FBXO25: variants seen among roughly 807,000 people sequenced by gnomAD.
FBXO25 encodes the protein F-box protein 25, also known as F-box only protein 25.
Under a neutral mutation model 51.9 loss-of-function variants are expected in FBXO25, and 45 were observed. The ratio of observed to expected loss-of-function variants is 0.87; its 90% CI spans 0.68 to 1.11. The LOEUF (loss-of-function observed/expected upper bound fraction) is 1.11, where lower values mean the gene tolerates loss of function less well. Ranked by LOEUF, FBXO25 falls within the 50% of genes most tolerant of loss-of-function variation. The pLI, the probability that FBXO25 is intolerant of heterozygous loss-of-function variation, is 0.00. For missense variants in FBXO25, 507 were observed against 428.5 expected (o/e 1.18, Z -1.62); for synonymous variants, 199 against 151.0 (o/e 1.32, Z -2.33).
chr8:475,800 C>T lies in FBXO25; in HGVS notation c.*6996C>T, dbSNP rs1800624404. On this transcript the variant is annotated 3_prime_UTR_variant, in exon 10 of 10. Transcript: ENST00000350302. ...AAATTTTTTTTTGTATATGTATGGA[C>T]ACTAGGATTTTCTACATATAAGATC... 6.6e-6 allele frequency: 1 copy of T among 151,946 alleles called. No homozygotes were observed. The highest frequency in any genetic ancestry group is 2.4e-5 in the African/African-American group (1 of 41,366). The allele number at this position is 151,946 out of a possible 1,614,324, so 9.4% of individuals were successfully genotyped here. A position where few individuals can be genotyped will look rare whatever the true frequency, so the allele number is the denominator to read the frequency against.
rs7840735 is a variant in FBXO25 at position 473,235 on chromosome 8, C to T, written c.*4431C>T. On this transcript the variant is annotated 3_prime_UTR_variant, in exon 10 of 10. Transcript: ENST00000350302. Reference sequence around the variant, plus strand: ...TCCCATGGGCTAAATGCCACTGAGCCGGTAGGAGCTGCTCAGGTGTAGCCT... The same window carrying T: ...TCCCATGGGCTAAATGCCACTGAGCTGGTAGGAGCTGCTCAGGTGTAGCCT... 0.077 allele frequency: 11,720 copies of T among 152,332 alleles called. 573 individuals carry two copies. The highest frequency in any genetic ancestry group is 0.14 in the African/African-American group (5,698 of 41,520). 9.4% of individuals were successfully genotyped at this position (152,332 alleles called of 1,614,324 possible). A position where few individuals can be genotyped will look rare whatever the true frequency, so the allele number is the denominator to read the frequency against.
chr8:438,905 G>C (rs1024336515), intron 5 of FBXO25, among the ~76,000 whole-genome samples: 1 of 152,196 alleles, frequency 6.6e-6, no homozygotes, highest in African/African-American at 2.4e-5. Flanking sequence ...ACGTGTTTAA[G>C]TTGTCTGCGT....
In FBXO25 at chr8:476,820, T is replaced by C. The variant is rs528736876; in HGVS notation, c.*8016T>C. ...GTCTCTGCTCTAATCTTTATTATTA[T>C]TATAATCATCTCCATTCTGCTGGCT... On this transcript the variant is annotated 3_prime_UTR_variant, in exon 10 of 10. Transcript: ENST00000350302. The C allele has an allele frequency of 2.8e-5, 4 of 142,484 alleles. No individual in the cohort carries two copies. The East Asian group carries it at 7.7e-4, about 27-fold the overall frequency. 8.8% of individuals were successfully genotyped at this position (142,484 alleles called of 1,614,324 possible).
In FBXO25 at chr8:458,431, C is replaced by G. The variant is rs774566661; in HGVS notation, c.723C>G (p.Tyr241Ter). 7 of 1,614,088 alleles carry G rather than the reference C, an allele frequency of 4.3e-6. No individual in the cohort carries two copies. The African/African-American group carries it at 6.7e-5, about 15-fold the overall frequency. Reference sequence around the variant, plus strand: ...TGCACATGCTGAACAACATCCTATACCGGTTCTCAGACGGATGGGACATCA... The same window carrying G: ...TGCACATGCTGAACAACATCCTATAGCGGTTCTCAGACGGATGGGACATCA... ...LPLHMLNNIL[Y>*]RFSDGWDIIT... Residue 241 changes from tyrosine to a stop codon, truncating the protein, a stop_gained, in exon 8 of 10, where the codon TAC (tyrosine) becomes TAG (stop). Coordinates refer to ENST00000350302, the MANE Select transcript of FBXO25 (RefSeq NM_183420.2). LOFTEE classifies it high-confidence loss of function.
intron 7 of FBXO25, among the ~76,000 whole-genome samples, chr8:455,214 G>A (rs1275556027): frequency 1.3e-5 from 2 of 152,338 alleles, no homozygotes; most frequent in South Asian, 4.1e-4. Context: ...TGTGGGCATT[G>A]CAGAGCCTTT....
chr8:430,769 C>A (rs1379315764), intron 2 of FBXO25, among the ~76,000 whole-genome samples: 1 of 152,038 alleles, frequency 6.6e-6, no homozygotes. Context: ...TCTTGTTTCA[C>A]GAAGAAGAAA....
intron 5 of FBXO25, among the ~76,000 whole-genome samples, chr8:437,239 A>C (rs1798155725): frequency 6.6e-6 from 1 of 152,216 alleles, no homozygotes; most frequent in Non-Finnish European, 1.5e-5. Context: ...AACTATAAAA[A>C]TTAAAATGTG....
At chr8:418,121 G>T (rs1256526693) in intron 2 of FBXO25, among the ~76,000 whole-genome samples, 1 of 152,076 alleles carries the variant, frequency 6.6e-6, no homozygotes, top group Non-Finnish European at 1.5e-5. Context: ...TGGCTGAAAT[G>T]CATCTGTGTG....
intron 5 of FBXO25, among the ~76,000 whole-genome samples, chr8:446,177 A>G (rs1798725619): frequency 6.6e-6 from 1 of 152,056 alleles, no homozygotes; most frequent in African/African-American, 2.4e-5. Flanking sequence ...TCTTAGTGAA[A>G]CTGTGGAAAT....
chr8:453,110 C>T (rs887182745), intron 7 of FBXO25, among the ~76,000 whole-genome samples: 11 of 152,154 alleles, frequency 7.2e-5, no homozygotes, highest in Non-Finnish European at 1.6e-4. Flanking sequence ...TGCCTCAGCA[C>T]AGAAGGATAG....
At chr8:418,444 A>G (rs978456186) in intron 2 of FBXO25, among the ~76,000 whole-genome samples, 2 of 148,748 alleles carry the variant, frequency 1.3e-5, no homozygotes, top group East Asian at 4.0e-4. Flanking sequence ...GGTTCAAGCA[A>G]TTCTCCTGCC....
chr8:467,912 C>G, intron 9 of FBXO25: 1 of 1,486,182 alleles, frequency 6.7e-7, no homozygotes, highest in Non-Finnish European at 8.9e-7. Context: ...TGATCAAACA[C>G]CTCAGCAAGG....
At chr8:411,569 A>T (rs768986028) in intron 1 of FBXO25, among the ~76,000 whole-genome samples, 9 of 152,144 alleles carry the variant, frequency 5.9e-5, no homozygotes, top group Non-Finnish European at 2.9e-5. Context: ...ATATTTATTC[A>T]TTCAGTAAAT....
chr8:468,822 C>G lies in FBXO25; in HGVS notation c.*18C>G, dbSNP rs1447749887. ...AGTTTTAAGGGCTGCCCCTGCCATC[C>G]CTATTGGAGATTGTGAATCCTGCTG... On this transcript the variant is annotated 3_prime_UTR_variant, in exon 10 of 10. Transcript: ENST00000350302. The G allele has an allele frequency of 6.2e-7, 1 of 1,611,292 alleles. No homozygotes were observed. Among genetic ancestry groups the G allele is most frequent in the Non-Finnish European group, 8.5e-7 (1 of 1,178,154 alleles).
intron 2 of FBXO25, among the ~76,000 whole-genome samples, chr8:426,808 C>CACCTGGCCTTGGTGCTCTTGTCGTCCT (rs1797514966): frequency 6.6e-6 from 1 of 151,886 alleles, no homozygotes; most frequent in South Asian, 2.1e-4. Flanking sequence ...GCTGTGGCTC[C>CACCTGGCCTTGGTGCTCTTGTCGTCCT]ACCTGGCCTT....
intron 2 of FBXO25, among the ~76,000 whole-genome samples, chr8:415,936 G>C (rs1354063575): frequency 1.3e-5 from 2 of 152,146 alleles, no homozygotes; most frequent in African/African-American, 4.8e-5. Context: ...TATAACTATA[G>C]GCGCTGTTGA....
chr8:411,689 A>T (rs527478825), intron 1 of FBXO25, among the ~76,000 whole-genome samples: 5 of 152,276 alleles, frequency 3.3e-5, no homozygotes, highest in African/African-American at 1.2e-4. Flanking sequence ...TAAACACGCT[A>T]ATCATTTCAG....
In FBXO25 at chr8:473,204, C is replaced by T. The variant is rs558690117; in HGVS notation, c.*4400C>T. On this transcript the variant is annotated 3_prime_UTR_variant, in exon 10 of 10. Transcript: ENST00000350302. ...CCTCAACTTTGGAAAGCAGTGTCCC[C>T]CCGCGTCCCATGGGCTAAATGCCAC... 2.0e-5 allele frequency: 3 copies of T among 152,430 alleles called. No individual in the cohort carries two copies. The South Asian group carries it at 6.2e-4, about 32-fold the overall frequency. 9.4% of individuals were successfully genotyped at this position (152,430 alleles called of 1,614,324 possible).
At chr8:435,771 TA>T (rs1374779505) in intron 5 of FBXO25, 64 bp downstream of exon 5, 1 of 1,551,508 alleles carries the variant, frequency 6.4e-7, no homozygotes, top group Non-Finnish European at 8.7e-7. Flanking sequence ...TTGAAGATTG[TA>T]AGTGTACAAC....
Sources: allele counts gnomAD v4.1 joint callset (sites outside exome capture counted in the v4.1 genomes callset), GRCh38; gene constraint gnomAD v4.1.1; transcripts MANE v1.5; gene names NCBI Gene and HGNC (gene_info 2026-07-23, HGNC 2026-07-21).